CDK8: variants seen among roughly 807,000 people sequenced by gnomAD.
CDK8 encodes cyclin-dependent kinase 8.
Under a neutral mutation model 71.5 loss-of-function variants are expected in CDK8, and 29 were observed. That is an observed-to-expected ratio of 0.41 (90% confidence interval 0.30 to 0.55). CDK8 has a LOEUF of 0.55. Among genes scored for constraint, CDK8 ranks in the 20% least tolerant of loss-of-function variants. CDK8 has a pLI of 0.37. For missense variants in CDK8, 288 were observed against 572.6 expected, an observed-to-expected ratio of 0.50 and a Z score of 5.07; for synonymous variants, 161 against 192.1, an observed-to-expected ratio of 0.84 and a Z score of 1.34.
At chr13:26,398,791 G>A (rs1216878529) in intron 9 of CDK8, among the ~76,000 whole-genome samples, 2 of 151,826 alleles carry the variant, frequency 1.3e-5, no homozygotes, top group Non-Finnish European at 2.9e-5. Flanking sequence ...GGCCAATGTG[G>A]TGAAACTCCT....
chr13:26,402,594 C>A (rs1461739946), intron 12 of CDK8, among the ~76,000 whole-genome samples: 1 of 152,212 alleles, frequency 6.6e-6, no homozygotes, highest in Non-Finnish European at 1.5e-5. Flanking sequence ...GCCCATCACA[C>A]CATGGAAATC....
intron 1 of CDK8, among the ~76,000 whole-genome samples, chr13:26,317,606 A>G (rs1001738485): frequency 2.0e-5 from 3 of 152,188 alleles, no homozygotes; most frequent in Admixed American, 6.5e-5. Flanking sequence ...TCCAGCCACA[A>G]TGGGGTAAAG....
chr13:26,382,759 A>G (rs1875289880), intron 4 of CDK8, 55 bp from the exon 5 acceptor site: 4 of 1,066,790 alleles, frequency 3.7e-6, no homozygotes, highest in Non-Finnish European at 5.6e-6. Context: ...CATATTGTCT[A>G]TTTAAAAGAA....
intron 1 of CDK8, among the ~76,000 whole-genome samples, chr13:26,294,243 G>A (rs567008117): frequency 2.0e-5 from 3 of 151,860 alleles, no homozygotes; most frequent in Admixed American, 6.5e-5. Flanking sequence ...GCAGTCTCCC[G>A]CCTCAGCCTC....
intron 1 of CDK8, among the ~76,000 whole-genome samples, chr13:26,329,483 G>GTTTTTTTTTTTTTTTTTTTT (rs543441898): frequency 2.3e-5 from 3 of 128,492 alleles, no homozygotes; most frequent in Middle Eastern, 4.1e-3. Flanking sequence ...TTTTTTTTTT[G>GTTTTTTTTTTTTTTTTTTTT]TTTTTTTTTT....
At chr13:26,261,471 C>G (rs1252627058) in intron 1 of CDK8, among the ~76,000 whole-genome samples, 1 of 152,158 alleles carries the variant, frequency 6.6e-6, no homozygotes, top group Non-Finnish European at 1.5e-5. Context: ...CCATTCCCCT[C>G]TCTCCCCAGC....
intron 1 of CDK8, among the ~76,000 whole-genome samples, chr13:26,300,957 G>C (rs998669993): frequency 6.6e-6 from 1 of 152,160 alleles, no homozygotes; most frequent in Non-Finnish European, 1.5e-5. Flanking sequence ...ATAGCCCTGG[G>C]ATCCTGAACA....
intron 6 of CDK8, among the ~76,000 whole-genome samples, chr13:26,386,741 A>G (rs2138052811): frequency 6.6e-6 from 1 of 152,356 alleles, no homozygotes. Context: ...TAGGTACAAA[A>G]GAATTTTCCT....
At chr13:26,359,232 C>T (rs1052730134) in intron 4 of CDK8, among the ~76,000 whole-genome samples, 2 of 150,652 alleles carry the variant, frequency 1.3e-5, no homozygotes, top group Non-Finnish European at 3.0e-5. Flanking sequence ...GGAGCAGTTA[C>T]GGGACGTTAC....
intron 4 of CDK8, among the ~76,000 whole-genome samples, chr13:26,357,627 A>T (rs1162536536): frequency 6.6e-6 from 1 of 152,182 alleles, no homozygotes; most frequent in Non-Finnish European, 1.5e-5. Context: ...TTCTCCAGAG[A>T]TGCAGAACCA....
At chr13:26,263,872 G>A (rs1871901332) in intron 1 of CDK8, among the ~76,000 whole-genome samples, 2 of 150,970 alleles carry the variant, frequency 1.3e-5, no homozygotes, top group Non-Finnish European at 2.9e-5. Flanking sequence ...TCAGCCTCCC[G>A]AGTAGCTGGG....
intron 1 of CDK8, among the ~76,000 whole-genome samples, chr13:26,285,326 A>T (rs767580792): frequency 1.2e-4 from 18 of 152,380 alleles, no homozygotes; most frequent in Admixed American, 7.8e-4. Flanking sequence ...AGTGGGTTTC[A>T]TAACAGGGAT....
intron 2 of CDK8, among the ~76,000 whole-genome samples, chr13:26,348,734 T>C (rs1873565857): frequency 6.6e-6 from 1 of 152,152 alleles, no homozygotes; most frequent in Non-Finnish European, 1.5e-5. Flanking sequence ...CGCAGAACAT[T>C]GTGAATATAC....
At chr13:26,332,220 G>GT (rs1247331794) in intron 1 of CDK8, among the ~76,000 whole-genome samples, 4 of 151,624 alleles carry the variant, frequency 2.6e-5, no homozygotes, top group South Asian at 2.1e-4. Flanking sequence ...GAGTCTTTAG[G>GT]TTTTTTTTAA....
At chr13:26,343,615 G>A (rs1025139838) in intron 2 of CDK8, among the ~76,000 whole-genome samples, 1 of 152,134 alleles carries the variant, frequency 6.6e-6, no homozygotes, top group Non-Finnish European at 1.5e-5. Flanking sequence ...AGGTCTGAAC[G>A]TTGCTCAGGG....
In CDK8 at chr13:26,254,911, TG is replaced by T. The variant is rs1247888646; in HGVS notation, c.128+146del. On this transcript the variant is annotated intron_variant, in intron 1 of 12. Transcript: ENST00000381527. The surrounding 1 kb of genome is among the most constrained non-coding windows in gnomAD (Gnocchi z 6.7). ...GGCCTCTGGCTCCGCCAGCCAGGTT[TG>T]GGGAGGAAGTGGTGTACGAGGGATC... 1.4e-5 allele frequency: 17 copies of T among 1,247,620 alleles called. No individual in the cohort carries two copies. Among genetic ancestry groups the T allele is most frequent in the East Asian group, 5.0e-5 (2 of 40,106 alleles). The allele number at this position is 1,247,620 out of a possible 1,614,324, so 77.3% of individuals were successfully genotyped here.
At chr13:26,306,531 G>A (rs1180415113) in intron 1 of CDK8, among the ~76,000 whole-genome samples, 1 of 150,488 alleles carries the variant, frequency 6.6e-6, no homozygotes, top group African/African-American at 2.4e-5. Context: ...GAAATGTTTT[G>A]TAAAAGGCAA....
intron 1 of CDK8, among the ~76,000 whole-genome samples, chr13:26,273,902 AATTAG>A (rs141591048): frequency 1.8e-3 from 278 of 152,304 alleles, no homozygotes; most frequent in African/African-American, 6.3e-3. Context: ...CATGTTTTAA[AATTAG>A]ATTATATTGT....
intron 4 of CDK8, among the ~76,000 whole-genome samples, chr13:26,362,992 A>C (rs1051051120): frequency 4.0e-5 from 2 of 49,640 alleles, no homozygotes; most frequent in Non-Finnish European, 1.1e-4. Flanking sequence ...TTTTCATTGT[A>C]GTTTTTTTTT....
Sources: allele counts gnomAD v4.1 joint callset (sites outside exome capture counted in the v4.1 genomes callset), GRCh38; gene constraint gnomAD v4.1.1; non-coding constraint Gnocchi (gnomAD v3.1); transcripts MANE v1.5; gene names NCBI Gene and HGNC (gene_info 2026-07-23, HGNC 2026-07-21).